Variants in CAMK1D observed in about 807,000 individuals in gnomAD.
CAMK1D encodes the protein calcium/calmodulin-dependent protein kinase type 1D.
A neutral mutation model predicts 47.7 loss-of-function variants in CAMK1D; 9 were observed. The ratio of observed to expected loss-of-function variants is 0.19; its 90% CI spans 0.11 to 0.33. The LOEUF (loss-of-function observed/expected upper bound fraction) is 0.33, where lower values mean the gene tolerates loss of function less well. Ranked by LOEUF, CAMK1D falls within the 10% of genes least tolerant of loss-of-function variation. The pLI is 1.00. For missense variants in CAMK1D, 291 were observed against 488.7 expected (o/e 0.60, Z 3.81); for synonymous variants, 184 against 184.9 (o/e 0.99, Z 0.04).
intron 1 of CAMK1D, among the ~76,000 whole-genome samples, chr10:12,550,333 G>A (rs574171482): frequency 2.4e-4 from 36 of 152,322 alleles, no homozygotes; most frequent in African/African-American, 8.7e-4. Flanking sequence ...TCTTTCCCCA[G>A]TGATTTTTCT....
chr10:12,458,740 C>A (rs1028728005), intron 1 of CAMK1D, among the ~76,000 whole-genome samples: 9 of 152,002 alleles, frequency 5.9e-5, no homozygotes, highest in Non-Finnish European at 1.5e-5. Context: ...GCCCTTTGAA[C>A]AATATTTGCA....
chr10:12,814,705 C>G (rs1443880032), intron 7 of CAMK1D, among the ~76,000 whole-genome samples: 3 of 152,182 alleles, frequency 2.0e-5, no homozygotes, highest in Non-Finnish European at 4.4e-5. Flanking sequence ...CTAATTACCC[C>G]TAAAAGGTCC....
In CAMK1D at chr10:12,751,237, T is replaced by C. The variant is rs77079008; in HGVS notation, c.300-9711T>C. Among the ~76,000 whole-genome samples the C allele has an allele frequency of 7.5e-3, 1,141 of 152,172 alleles. 19 individuals are homozygous for C. The highest frequency in any genetic ancestry group is 0.026 in the African/African-American group (1,085 of 41,510). ...GACCACACCCCACTCACTATGCAGT[T>C]TTGTGCAAAATATTTATTTATTTGT... is the stretch of plus-strand genomic sequence containing the variant. On this transcript the variant is annotated intron_variant, in intron 3 of 10. Coordinates refer to ENST00000619168, the MANE Select transcript of CAMK1D (RefSeq NM_153498.4).
intron 1 of CAMK1D, among the ~76,000 whole-genome samples, chr10:12,501,938 C>T (rs976479873): frequency 8.5e-5 from 13 of 152,072 alleles, no homozygotes; most frequent in African/African-American, 2.2e-4. Flanking sequence ...GGGGAGCTGG[C>T]GGCAGAGTGG....
At chr10:12,685,498 C>T (rs1010482547) in intron 3 of CAMK1D, among the ~76,000 whole-genome samples, 2 of 152,120 alleles carry the variant, frequency 1.3e-5, no homozygotes, top group African/African-American at 4.8e-5. Context: ...ATAATAGCTA[C>T]AGTATTAAGT....
intron 3 of CAMK1D, among the ~76,000 whole-genome samples, chr10:12,682,137 G>A (rs971052407): frequency 2.6e-5 from 4 of 152,154 alleles, no homozygotes; most frequent in Non-Finnish European, 5.9e-5. Flanking sequence ...GGAGAATGGC[G>A]TGAACCCGGG....
intron 5 of CAMK1D, among the ~76,000 whole-genome samples, chr10:12,771,902 C>G (rs1837055829): frequency 6.6e-6 from 1 of 152,080 alleles, no homozygotes; most frequent in Admixed American, 6.6e-5. Context: ...GGCATGGTGG[C>G]TCACACCTGT....
intron 1 of CAMK1D, among the ~76,000 whole-genome samples, chr10:12,465,788 G>A (rs561315580): frequency 6.6e-6 from 1 of 152,196 alleles, no homozygotes; most frequent in Non-Finnish European, 1.5e-5. Flanking sequence ...CAGATGAAGA[G>A]ACAGAGGTTC....
At chr10:12,379,378 A>G (rs1269077293) in intron 1 of CAMK1D, among the ~76,000 whole-genome samples, 1 of 152,180 alleles carries the variant, frequency 6.6e-6, no homozygotes, top group Non-Finnish European at 1.5e-5. Flanking sequence ...GGTCGTGATG[A>G]GGTTTTCATG....
intron 2 of CAMK1D, among the ~76,000 whole-genome samples, chr10:12,574,308 CTT>C (rs796291503): frequency 5.6e-5 from 8 of 143,658 alleles, no homozygotes; most frequent in Admixed American, 1.4e-4. Context: ...CTGTTTTGTC[CTT>C]TTTTTTTTTG....
chr10:12,734,235 T>A (rs1192018122), intron 3 of CAMK1D, among the ~76,000 whole-genome samples: 1 of 143,166 alleles, frequency 7.0e-6, no homozygotes, highest in Non-Finnish European at 1.5e-5. Context: ...AACAGGAGAA[T>A]CGCTTGAACC....
intron 2 of CAMK1D, among the ~76,000 whole-genome samples, chr10:12,627,161 A>T (rs1052379226): frequency 2.0e-5 from 3 of 149,642 alleles, no homozygotes; most frequent in African/African-American, 7.4e-5. Flanking sequence ...CGCTCACTGC[A>T]AGCTCCGCCT....
intron 1 of CAMK1D, among the ~76,000 whole-genome samples, chr10:12,416,300 A>G (rs1328815915): frequency 6.6e-5 from 10 of 152,256 alleles, no homozygotes. Context: ...TTATGGAATT[A>G]TGCATGCAAT....
chr10:12,763,668 G>A (rs1432069815), intron 4 of CAMK1D, among the ~76,000 whole-genome samples: 1 of 152,134 alleles, frequency 6.6e-6, no homozygotes, highest in East Asian at 1.9e-4. Flanking sequence ...TCCATCCGCT[G>A]GGGGGCAAAA....
intron 3 of CAMK1D, among the ~76,000 whole-genome samples, chr10:12,728,362 C>T (rs772562264): frequency 5.9e-5 from 9 of 152,192 alleles, no homozygotes; most frequent in Non-Finnish European, 1.3e-4. Context: ...TCTTGGGCAG[C>T]GCTAGTTACA....
chr10:12,701,633 T>C (rs1268803868), intron 3 of CAMK1D, among the ~76,000 whole-genome samples: 1 of 152,238 alleles, frequency 6.6e-6, no homozygotes. Context: ...AATGTTTAAG[T>C]ATCTATCTTC....
At chr10:12,659,757 G>A (rs532342312) in intron 2 of CAMK1D, among the ~76,000 whole-genome samples, 1 of 152,070 alleles carries the variant, frequency 6.6e-6, no homozygotes, top group South Asian at 2.1e-4. Flanking sequence ...AGGGAACCAC[G>A]CCTCTCTTTT....
intron 2 of CAMK1D, among the ~76,000 whole-genome samples, chr10:12,615,611 T>G (rs570797200): frequency 6.6e-6 from 1 of 150,396 alleles, no homozygotes; most frequent in South Asian, 2.1e-4. Flanking sequence ...TGCAAGTATG[T>G]ATACGTATGT....
intron 1 of CAMK1D, among the ~76,000 whole-genome samples, chr10:12,438,792 C>G (rs1186616083): frequency 6.6e-6 from 1 of 152,222 alleles, no homozygotes; most frequent in African/African-American, 2.4e-5. Flanking sequence ...CTTTGCTTTT[C>G]TTCCCTGCCT....
Sources: allele counts gnomAD v4.1 joint callset (sites outside exome capture counted in the v4.1 genomes callset), GRCh38; gene constraint gnomAD v4.1.1; transcripts MANE v1.5; gene names NCBI Gene and HGNC (gene_info 2026-07-23, HGNC 2026-07-21).